The following PCDHA10 variants were observed in gnomAD, a reference collection of about 807,000 sequenced individuals.
PCDHA10 encodes the protein protocadherin alpha-10.
In PCDHA10, 45 loss-of-function variants were observed where a neutral mutation model predicts 61.2. The observed-to-expected ratio is 0.74, with a 90% CI of 0.58 to 0.94. The LOEUF (loss-of-function observed/expected upper bound fraction) is 0.94. PCDHA10 is among the 40% of genes least tolerant of loss of function. The pLI is 0.00. For missense variants in PCDHA10, 1,278 were observed against 1,236.2 expected, an observed-to-expected ratio of 1.03 and a Z score of -0.51; for synonymous variants, 602 against 548.8, an observed-to-expected ratio of 1.10 and a Z score of -1.35.
chr5:140,884,105 C>T, intron 1 of PCDHA10: 2 of 1,613,466 alleles, frequency 1.2e-6, no homozygotes, highest in South Asian at 2.2e-5. Flanking sequence ...TGAATTGCAG[C>T]TGGCGGCGGT....
chr5:140,925,878 ACCT>A (rs1554202987), intron 1 of PCDHA10, among the ~76,000 whole-genome samples: 1 of 151,658 alleles, frequency 6.6e-6, no homozygotes. Flanking sequence ...CTGGTTTATA[ACCT>A]CCTCTTTCAC....
chr5:140,869,363 A>G lies in PCDHA10; in HGVS notation c.2388+10927A>G, dbSNP rs1201912812. The G allele has an allele frequency of 9.3e-6, 15 of 1,614,010 alleles. No individual in the cohort carries two copies. In the Admixed American group the frequency reaches 2.5e-4, roughly 27 times the overall value. ...CTGCAGAATGGCATTTTGTTTGTGA[A>G]TTCTCGGATCGACCGCGAGGAGCTG... On this transcript the variant is annotated intron_variant, in intron 1 of 3. Coordinates refer to ENST00000307360, the MANE Select transcript of PCDHA10 (RefSeq NM_018901.4).
intron 1 of PCDHA10, among the ~76,000 whole-genome samples, chr5:140,901,883 C>G (rs1206318073): frequency 5.3e-5 from 8 of 152,038 alleles, no homozygotes; most frequent in Non-Finnish European, 1.0e-4. Flanking sequence ...CTTTCATCAG[C>G]ATTTTATATT....
intron 1 of PCDHA10, among the ~76,000 whole-genome samples, chr5:140,925,600 A>G (rs1489455075): frequency 6.6e-6 from 1 of 151,508 alleles, no homozygotes; most frequent in African/African-American, 2.4e-5. Context: ...TACATATGTA[A>G]CAAACCTGCA....
chr5:140,981,626 T>A (rs1199717691), intron 2 of PCDHA10, among the ~76,000 whole-genome samples: 1 of 152,176 alleles, frequency 6.6e-6, no homozygotes, highest in Middle Eastern at 3.2e-3. Flanking sequence ...GAGGGTTTTC[T>A]TGGACATTTT....
intron 1 of PCDHA10, chr5:140,928,661 G>A (rs1554206119): frequency 6.2e-7 from 1 of 1,614,218 alleles, no homozygotes; most frequent in Non-Finnish European, 8.5e-7. Flanking sequence ...GATGCTGACA[G>A]TGGTTCTAAT....
chr5:140,883,616 G>T (rs781929949), intron 1 of PCDHA10: 69 of 1,613,896 alleles, frequency 4.3e-5, no homozygotes, highest in Non-Finnish European at 5.7e-5. Flanking sequence ...CGACGTGAAC[G>T]ACAACGCGCC....
intron 1 of PCDHA10, chr5:140,882,808 G>A (rs1554175666): frequency 6.2e-7 from 1 of 1,614,208 alleles, no homozygotes; most frequent in Non-Finnish European, 8.5e-7. Flanking sequence ...ATTTCACTTT[G>A]GACGCACAAA....
chr5:140,953,576 C>T (rs1466296429), intron 1 of PCDHA10, among the ~76,000 whole-genome samples: 1 of 152,090 alleles, frequency 6.6e-6, no homozygotes, highest in Non-Finnish European at 1.5e-5. Flanking sequence ...CCTCCTCTCC[C>T]AAAACTGCCT....
At chr5:140,971,462 A>G (rs1554233357) in intron 1 of PCDHA10, among the ~76,000 whole-genome samples, 1 of 152,184 alleles carries the variant, frequency 6.6e-6, no homozygotes, top group African/African-American at 2.4e-5. Flanking sequence ...TTTTGCAGTT[A>G]TAGGGAGAGA....
chr5:140,872,178 A>G (rs549229832), intron 1 of PCDHA10, among the ~76,000 whole-genome samples: 2 of 149,926 alleles, frequency 1.3e-5, no homozygotes, highest in Admixed American at 6.6e-5. Context: ...TTTTTTTTTT[A>G]CAGTGTTAAA....
At chr5:140,933,047 A>G (rs1482395906) in intron 1 of PCDHA10, among the ~76,000 whole-genome samples, 2 of 152,030 alleles carry the variant, frequency 1.3e-5, no homozygotes, top group Non-Finnish European at 1.5e-5. Flanking sequence ...TATGGATTAC[A>G]GTCCAGGATC....
At chr5:140,927,200 AC>A in intron 1 of PCDHA10, 1 of 1,614,014 alleles carries the variant, frequency 6.2e-7, no homozygotes, top group Non-Finnish European at 8.5e-7. Context: ...GTGCTCGAGG[AC>A]CCGCTGGAGC....
chr5:140,927,813 G>A, intron 1 of PCDHA10: 1 of 1,614,176 alleles, frequency 6.2e-7, no homozygotes, highest in Non-Finnish European at 8.5e-7. Context: ...CGCTCTTGGA[G>A]GCATACATTG....
chr5:140,872,087 A>C (rs2053480826), intron 1 of PCDHA10, among the ~76,000 whole-genome samples: 2 of 152,304 alleles, frequency 1.3e-5, no homozygotes, highest in East Asian at 1.9e-4. Flanking sequence ...GTGCCACTGC[A>C]CTTAGTCCAT....
At chr5:140,918,816 A>C (rs1178287306) in intron 1 of PCDHA10, among the ~76,000 whole-genome samples, 1 of 62,452 alleles carries the variant, frequency 1.6e-5, no homozygotes, top group Admixed American at 1.3e-4. Context: ...ATGAACCAAA[A>C]AGTGGCCCCC....
intron 1 of PCDHA10, chr5:140,929,069 G>A (rs1554206647): frequency 1.2e-6 from 2 of 1,614,192 alleles, no homozygotes; most frequent in Non-Finnish European, 8.5e-7. Context: ...GAGGATCTGA[G>A]GTATGGAAGT....
At position 140,876,601 on chromosome 5, in the gene PCDHA10, C is replaced by A. The variant is rs143847585; in HGVS notation, c.2388+18165C>A. The A allele has an allele frequency of 2.5e-4, 409 of 1,614,152 alleles. No individual in the cohort carries two copies. The highest frequency in any genetic ancestry group is 3.3e-4 in the Non-Finnish European group (387 of 1,180,034). ...CATTGCCCTGATTAGCGTGTCGGAT[C>A]GTGACTCTGGAGCCAATGGACAGGT... On this transcript the variant is annotated intron_variant, in intron 1 of 3. Coordinates refer to ENST00000307360, the MANE Select transcript of PCDHA10 (RefSeq NM_018901.4).
chr5:140,856,488 T>C lies in PCDHA10; in HGVS notation c.440T>C (p.Leu147Pro). Reference sequence around the variant, plus strand: ...CTCTCAATACCTGAATCCAGACTGCTTGACTCTCGATTTCCACTAGAAGGC... The same window carrying C: ...CTCTCAATACCTGAATCCAGACTGCCTGACTCTCGATTTCCACTAGAAGGC... ...QKLSIPESRL[L>P]DSRFPLEGAS... is the part of the protein sequence containing the mutation. The change falls in exon 1 of 4, where the codon CTT (leucine) becomes CCT (proline). Residue 147 changes from leucine (L) to proline (P), a missense_variant. Physicochemically the swap from Leu to Pro is moderately conservative, Grantham distance 98. Coordinates refer to ENST00000307360, the MANE Select transcript of PCDHA10 (RefSeq NM_018901.4). 3.1e-6 allele frequency: 5 copies of C among 1,598,406 alleles called. 2 individuals carry two copies. Among genetic ancestry groups the C allele is most frequent in the Non-Finnish European group, 3.4e-6 (4 of 1,167,896 alleles).
Sources: gnomAD v4.1 joint callset for allele counts (sites outside exome capture counted in the v4.1 genomes callset) on GRCh38, gnomAD v4.1.1 for gene constraint, MANE v1.5 for transcripts, NCBI Gene and HGNC (gene_info 2026-07-23, HGNC 2026-07-21) for gene names.